ERBB4: variants seen among roughly 807,000 people sequenced by gnomAD.
The protein encoded by ERBB4 is erb-b2 receptor tyrosine kinase 4.
In ERBB4, 42 loss-of-function variants were observed where a neutral mutation model predicts 158.0. The ratio of observed to expected loss-of-function variants is 0.27; its 90% confidence interval spans 0.21 to 0.34. ERBB4 has a LOEUF of 0.34. Ranked by LOEUF, ERBB4 falls within the 10% of genes least tolerant of loss-of-function variation. ERBB4 has a pLI of 1.00. For synonymous variants in ERBB4, 583 were observed against 558.7 expected (o/e 1.04, Z -0.61); for missense variants, 1,333 against 1,624.1 (o/e 0.82, Z 3.08).
At position 212,016,289 on chromosome 2, in the gene ERBB4, T is replaced by C. The variant is rs866053381; in HGVS notation, c.235-68673A>G. 4.6e-5 allele frequency among the ~76,000 whole-genome samples: 7 copies of C among 152,218 alleles called. No homozygotes were observed. In the South Asian group the frequency reaches 1.5e-3, roughly 32 times the overall value. ...CTCAATAAGCAGTGGGAAGCAGACC[T>C]GAATTCATAACAACCACTGAAAAGT... On this transcript the variant is annotated intron_variant, in intron 2 of 27. Transcript: ENST00000342788.
chr2:212,018,201 G>T (rs1402716), intron 2 of ERBB4, among the ~76,000 whole-genome samples: 95,941 of 151,966 alleles, frequency 0.63, 33,477 homozygotes, highest in East Asian at 0.93. Flanking sequence ...AATATTGTGA[G>T]GAGGGACTTA....
At position 212,431,320 on chromosome 2, in the gene ERBB4, A is replaced by AAC. The variant is rs755883240; in HGVS notation, c.82+107128_82+107129insGT. ...ACTGCTCATATTAAAAAAAAAAAAA[A>AAC]AAAAAAAAAACCTTCGTAACTATTT... On this transcript the variant is annotated intron_variant, in intron 1 of 27. Coordinates refer to ENST00000342788, the MANE Select transcript of ERBB4 (RefSeq NM_005235.3). Among the ~76,000 whole-genome samples the AAC allele has an allele frequency of 7.3e-3, 1,100 of 151,082 alleles. 17 individuals carry two copies. The highest frequency in any genetic ancestry group is 0.018 in the African/African-American group (734 of 41,226).
intron 3 of ERBB4, among the ~76,000 whole-genome samples, chr2:211,944,388 T>C (rs952963537): frequency 3.3e-5 from 5 of 151,530 alleles, no homozygotes; most frequent in African/African-American, 1.2e-4. Context: ...TATTGTCTTT[T>C]TAATGGTTTA....
intron 2 of ERBB4, among the ~76,000 whole-genome samples, chr2:212,085,831 T>C (rs1003165822): frequency 7.8e-6 from 1 of 127,792 alleles, no homozygotes; most frequent in Non-Finnish European, 1.7e-5. Flanking sequence ...TCTAAGATAT[T>C]ATATAATCCC....
chr2:211,397,281 G>C (rs2062940703), intron 25 of ERBB4, among the ~76,000 whole-genome samples: 1 of 152,012 alleles, frequency 6.6e-6, no homozygotes, highest in Non-Finnish European at 1.5e-5. Flanking sequence ...GAACCATTTT[G>C]GAATTTTCTA....
intron 1 of ERBB4, among the ~76,000 whole-genome samples, chr2:212,450,837 A>C (rs900430990): frequency 4.3e-4 from 65 of 151,730 alleles, no homozygotes; most frequent in Non-Finnish European, 8.0e-4. Context: ...AAAAAAAAAA[A>C]AAACAAGGCC....
chr2:211,557,664 T>C (rs994107771), intron 20 of ERBB4, among the ~76,000 whole-genome samples: 1 of 152,100 alleles, frequency 6.6e-6, no homozygotes, highest in Non-Finnish European at 1.5e-5. Context: ...CACTTATACA[T>C]GGTGGGAGCA....
At chr2:211,672,845 A>T (rs1191857069) in intron 14 of ERBB4, among the ~76,000 whole-genome samples, 1 of 152,154 alleles carries the variant, frequency 6.6e-6, no homozygotes, top group African/African-American at 2.4e-5. Context: ...ACAATTTATA[A>T]ATATTTTTAT....
At chr2:211,937,974 G>A (rs973077822) in intron 3 of ERBB4, among the ~76,000 whole-genome samples, 2 of 152,066 alleles carry the variant, frequency 1.3e-5, no homozygotes, top group Non-Finnish European at 2.9e-5. Context: ...CCAAGTCATA[G>A]CAGCTTAAAA....
chr2:212,274,030 T>A (rs1314608893), intron 1 of ERBB4, among the ~76,000 whole-genome samples: 1 of 151,834 alleles, frequency 6.6e-6, no homozygotes, highest in East Asian at 1.9e-4. Flanking sequence ...TAACATATAT[T>A]TTGCATGTTA....
chr2:211,826,398 GTAA>G (rs2077099979), intron 3 of ERBB4, among the ~76,000 whole-genome samples: 1 of 151,722 alleles, frequency 6.6e-6, no homozygotes, highest in Non-Finnish European at 1.5e-5. Flanking sequence ...AATTTGTTAA[GTAA>G]TAAGTTATGA....
At chr2:211,765,360 G>A (rs1037719541) in intron 4 of ERBB4, among the ~76,000 whole-genome samples, 2 of 152,058 alleles carry the variant, frequency 1.3e-5, no homozygotes, top group Non-Finnish European at 2.9e-5. Flanking sequence ...TAGGAAGAGA[G>A]GAGAAAAAGA....
rs535985177 is a variant in ERBB4 at position 212,268,818 on chromosome 2, G to A, written c.83-143915C>T. ...TGCTCTAGTCTCATGAACTAGGAGG[G>A]ATGCTGAGCTGAAATTTTTTCTGTA... On this transcript the variant is annotated intron_variant, in intron 1 of 27. Transcript: ENST00000342788. Among the ~76,000 whole-genome samples, 4 of 151,870 alleles carry A rather than the reference G, an allele frequency of 2.6e-5. No individual in the cohort carries two copies. The East Asian group carries it at 7.8e-4, about 30-fold the overall frequency.
chr2:211,768,585 G>A (rs757498353), intron 4 of ERBB4, among the ~76,000 whole-genome samples: 3 of 152,170 alleles, frequency 2.0e-5, no homozygotes, highest in Non-Finnish European at 2.9e-5. Flanking sequence ...TGACTTCTGT[G>A]CACCTGCAGG....
chr2:212,397,560 A>G (rs2091067409), intron 1 of ERBB4, among the ~76,000 whole-genome samples: 1 of 151,966 alleles, frequency 6.6e-6, no homozygotes, highest in South Asian at 2.1e-4. Context: ...TGTCTTCCAA[A>G]TCAATGGGAT....
At chr2:212,286,341 G>A (rs1225888964) in intron 1 of ERBB4, among the ~76,000 whole-genome samples, 2 of 152,012 alleles carry the variant, frequency 1.3e-5, no homozygotes. Context: ...TATATTGAAC[G>A]AATTTGAAAT....
At position 212,252,987 on chromosome 2, in the gene ERBB4, TTTC is replaced by T. The variant is rs1246704741; in HGVS notation, c.83-128087_83-128085del. Among the ~76,000 whole-genome samples the T allele has an allele frequency of 5.9e-5, 9 of 152,142 alleles. No homozygotes were observed. The East Asian group carries it at 1.7e-3, about 29-fold the overall frequency. On this transcript the variant is annotated intron_variant, in intron 1 of 27. Coordinates refer to ENST00000342788, the MANE Select transcript of ERBB4 (RefSeq NM_005235.3). Reference sequence around the variant, plus strand: ...GAAAATTTGCATAACATCATTTGCATTTCTTCTAATATTCATGACAGTTTGACA... The same window carrying T: ...GAAAATTTGCATAACATCATTTGCATTTCTAATATTCATGACAGTTTGACA...
intron 1 of ERBB4, among the ~76,000 whole-genome samples, chr2:212,254,772 G>A (rs2084664256): frequency 6.6e-6 from 1 of 152,124 alleles, no homozygotes; most frequent in Non-Finnish European, 1.5e-5. Flanking sequence ...TGCATTAAAA[G>A]AGGATAAGGG....
At chr2:211,586,204 T>C (rs1477233246) in intron 19 of ERBB4, among the ~76,000 whole-genome samples, 1 of 152,132 alleles carries the variant, frequency 6.6e-6, no homozygotes, top group Non-Finnish European at 1.5e-5. Context: ...TAAACATAGT[T>C]ATGCACATTA....
Sources: gnomAD v4.1 joint callset for allele counts (sites outside exome capture counted in the v4.1 genomes callset) on GRCh38, gnomAD v4.1.1 for gene constraint, MANE v1.5 for transcripts, NCBI Gene and HGNC (gene_info 2026-07-23, HGNC 2026-07-21) for gene names.